PXDN: variants seen among roughly 807,000 people sequenced by gnomAD.
The protein encoded by PXDN is peroxidasin.
Under a neutral mutation model 140.3 loss-of-function variants are expected in PXDN, and 77 were observed. The ratio of observed to expected loss-of-function variants is 0.55; its 90% CI spans 0.46 to 0.66. The LOEUF is 0.66. Ranked by LOEUF, PXDN falls within the 30% of genes least tolerant of loss-of-function variation. The pLI, the probability that PXDN is intolerant of heterozygous loss-of-function variation, is 0.00. For missense variants in PXDN, 1,838 were observed against 2,039.5 expected, an observed-to-expected ratio of 0.90 and a Z score of 1.90; for synonymous variants, 911 against 857.4, an observed-to-expected ratio of 1.06 and a Z score of -1.09.
In PXDN at chr2:1,639,534, T is replaced by C; in HGVS notation, c.3953-112A>G. The C allele has an allele frequency of 6.6e-7, 1 of 1,524,970 alleles. No individual in the cohort carries two copies. The highest frequency in any genetic ancestry group is 8.9e-7 in the Non-Finnish European group (1 of 1,120,622). The allele number at this position is 1,524,970 out of a possible 1,614,324, so 94.5% of individuals were successfully genotyped here. On this transcript the variant is annotated intron_variant, in intron 19 of 22. Coordinates refer to ENST00000252804, the MANE Select transcript of PXDN (RefSeq NM_012293.3). This position sits in a 1 kb window ranked among gnomAD's most constrained non-coding sequence, Gnocchi z 5.0. Reference sequence around the variant, plus strand: ...CACTGGCTGCCCGTGGAACAAACTGTGGCACATTTCAGTGAGGCAACCTGG... The same window carrying C: ...CACTGGCTGCCCGTGGAACAAACTGCGGCACATTTCAGTGAGGCAACCTGG...
rs200400769 is a variant in PXDN at position 1,639,298 on chromosome 2, A to G, written c.4073+4T>C. 2 of 1,611,548 alleles carry G rather than the reference A, an allele frequency of 1.2e-6. 1 individual carries two copies. Among genetic ancestry groups the G allele is most frequent in the Non-Finnish European group, 1.7e-6 (2 of 1,178,760 alleles). On this transcript the variant is annotated splice_donor_region_variant and intron_variant, in intron 20 of 22. Transcript: ENST00000252804. This position sits in a 1 kb window ranked among gnomAD's most constrained non-coding sequence, Gnocchi z 5.0. ...ACATCATTTGACCTCAGAGACCACC[A>G]TACCTGGGTATTTTCCGTGGTCTTG...
chr2:1,667,062 A>T (rs1683461120), intron 9 of PXDN, among the ~76,000 whole-genome samples: 1 of 152,156 alleles, frequency 6.6e-6, no homozygotes, highest in Non-Finnish European at 1.5e-5. Flanking sequence ...ACCTGCAGGG[A>T]CGTGGCCGTG....
intron 19 of PXDN, among the ~76,000 whole-genome samples, chr2:1,641,966 T>G (rs557679026): frequency 6.6e-6 from 1 of 152,240 alleles, no homozygotes; most frequent in African/African-American, 2.4e-5. Flanking sequence ...CATTTTGAAT[T>G]GGATAAACCA....
chr2:1,702,974 A>ACAACTCCAGGTGAAGGGGGG (rs1684472090), intron 1 of PXDN, among the ~76,000 whole-genome samples: 2 of 124,166 alleles, frequency 1.6e-5, no homozygotes, highest in African/African-American at 6.9e-5. Context: ...GAAAGGCGGG[A>ACAACTCCAGGTGAAGGGGGG]CAACTCCAGG....
intron 1 of PXDN, among the ~76,000 whole-genome samples, chr2:1,712,566 T>G (rs897978948): frequency 6.6e-6 from 1 of 152,162 alleles, no homozygotes; most frequent in Non-Finnish European, 1.5e-5. Flanking sequence ...AATCTAAATT[T>G]GCTAAATTCC....
At chr2:1,638,627 G>A (rs996952061) in intron 21 of PXDN, among the ~76,000 whole-genome samples, 2 of 152,176 alleles carry the variant, frequency 1.3e-5, no homozygotes, top group Non-Finnish European at 2.9e-5. Context: ...GCCCCTGCCT[G>A]GTGACCCCCA....
At chr2:1,682,726 G>A (rs1011750963) in intron 6 of PXDN, among the ~76,000 whole-genome samples, 4 of 152,182 alleles carry the variant, frequency 2.6e-5, no homozygotes, top group Non-Finnish European at 4.4e-5. Flanking sequence ...GATCACCTGA[G>A]GTCAGGAGTT....
At position 1,631,990 on chromosome 2, in the gene PXDN, T is replaced by C. The variant is rs1323694721; in HGVS notation, c.*2214A>G. 2 of 152,636 alleles carry C rather than the reference T, an allele frequency of 1.3e-5. No homozygotes were observed. The highest frequency in any genetic ancestry group is 2.9e-5 in the Non-Finnish European group (2 of 68,054). The allele number at this position is 152,636 out of a possible 1,614,324, so 9.5% of individuals were successfully genotyped here. ...GAATACAATGGTCATAAAAAAGGCA[T>C]TTGGCTGTTGGAGCAGTTAGAAAAG... On this transcript the variant is annotated 3_prime_UTR_variant, in exon 23 of 23. Coordinates refer to ENST00000252804, the MANE Select transcript of PXDN (RefSeq NM_012293.3).
chr2:1,673,860 C>G lies in PXDN; in HGVS notation c.849-48G>C, dbSNP rs372399940. 6.3e-6 allele frequency: 10 copies of G among 1,593,708 alleles called. No individual in the cohort carries two copies. In the South Asian group the frequency reaches 1.1e-4, roughly 18 times the overall value. On this transcript the variant is annotated intron_variant, in intron 8 of 22. Transcript: ENST00000252804. ...TGGTCAAGTGTTGAAAGCACAAAGA[C>G]GTACCTCACCCATCCCCAGCACAGG...
chr2:1,683,110 G>T (rs1683953990), intron 6 of PXDN, among the ~76,000 whole-genome samples: 1 of 152,016 alleles, frequency 6.6e-6, no homozygotes, highest in Non-Finnish European at 1.5e-5. Context: ...GGCTGGGCAT[G>T]GTGGCTTATG....
chr2:1,668,082 C>G (rs1483431742), intron 9 of PXDN, among the ~76,000 whole-genome samples: 7 of 152,104 alleles, frequency 4.6e-5, no homozygotes, highest in Admixed American at 3.9e-4. Context: ...CAAAACAACA[C>G]GATAGTGCTA....
At chr2:1,699,954 C>T (rs945024424) in intron 1 of PXDN, among the ~76,000 whole-genome samples, 8 of 152,116 alleles carry the variant, frequency 5.3e-5, no homozygotes, top group Non-Finnish European at 1.0e-4. Flanking sequence ...TAATAAGAGC[C>T]AGGGGTTACC....
intron 16 of PXDN, among the ~76,000 whole-genome samples, chr2:1,652,304 A>G (rs570761170): frequency 6.6e-6 from 1 of 152,216 alleles, no homozygotes; most frequent in Admixed American, 6.5e-5. Flanking sequence ...AAGAAATTAC[A>G]CTTAGTAACT....
chr2:1,681,684 A>G (rs1683911222), intron 6 of PXDN, among the ~76,000 whole-genome samples: 1 of 152,232 alleles, frequency 6.6e-6, no homozygotes, highest in African/African-American at 2.4e-5. Flanking sequence ...GCAGGTGCAC[A>G]GCTCTCAGGT....
At chr2:1,703,524 G>GGGGGCAACTCCAGGTGAAGGA in intron 1 of PXDN, among the ~76,000 whole-genome samples, 1 of 27,444 alleles carries the variant, frequency 3.6e-5, no homozygotes, top group African/African-American at 1.8e-4. Flanking sequence ...CAGGTGAAGG[G>GGGGGCAACTCCAGGTGAAGGA]GGGACAGCTC....
intron 3 of PXDN, among the ~76,000 whole-genome samples, chr2:1,689,117 G>T (rs759580929): frequency 1.3e-5 from 2 of 152,056 alleles, no homozygotes; most frequent in African/African-American, 4.8e-5. Context: ...GGCCGCATAC[G>T]TGGGAATCCT....
chr2:1,653,497 T>A, intron 16 of PXDN, 131 bp downstream of exon 16: 1 of 1,312,890 alleles, frequency 7.6e-7, no homozygotes, highest in South Asian at 1.3e-5. Context: ...TTTAAGGAAA[T>A]AATTTCACAG....
chr2:1,708,809 C>G (rs1684681363), intron 1 of PXDN, among the ~76,000 whole-genome samples: 2 of 152,332 alleles, frequency 1.3e-5, no homozygotes, highest in South Asian at 4.1e-4. Flanking sequence ...GTATGAGACA[C>G]AAATCACCAA....
chr2:1,744,130 C>A, intron 1 of PXDN, 126 bp downstream of exon 1: 2 of 1,053,830 alleles, frequency 1.9e-6, no homozygotes, highest in Non-Finnish European at 2.5e-6. Context: ...GTCCCAAGTC[C>A]CCAGGCCCCC....
Sources: allele counts gnomAD v4.1 joint callset (sites outside exome capture counted in the v4.1 genomes callset), GRCh38; gene constraint gnomAD v4.1.1; non-coding constraint Gnocchi (gnomAD v3.1); transcripts MANE v1.5; gene names NCBI Gene and HGNC (gene_info 2026-07-23, HGNC 2026-07-21).